Variants in MAP2 observed in about 807,000 individuals in gnomAD.
The protein encoded by MAP2 is microtubule associated protein 2.
Under a neutral mutation model 137.6 loss-of-function variants are expected in MAP2, and 14 were observed. The observed-to-expected ratio is 0.10, with a 90% CI of 0.07 to 0.16. The LOEUF (loss-of-function observed/expected upper bound fraction) is 0.16, where lower values mean the gene tolerates loss of function less well. Ranked by LOEUF, MAP2 falls within the 10% of genes least tolerant of loss-of-function variation. The pLI, the probability that MAP2 is intolerant of heterozygous loss-of-function variation, is 1.00. For synonymous variants in MAP2, 786 were observed against 782.3 expected, an observed-to-expected ratio of 1.00 and a Z score of -0.08; for missense variants, 2,088 against 2,191.5, an observed-to-expected ratio of 0.95 and a Z score of 0.94.
At chr2:209,513,875 C>T (rs997544118) in intron 2 of MAP2, among the ~76,000 whole-genome samples, 1 of 152,128 alleles carries the variant, frequency 6.6e-6, no homozygotes, top group African/African-American at 2.4e-5. Context: ...CCCACCTCTC[C>T]TCTTCTAAAT....
chr2:209,508,036 C>T (rs2150207654), intron 2 of MAP2, among the ~76,000 whole-genome samples: 1 of 152,144 alleles, frequency 6.6e-6, no homozygotes, highest in South Asian at 2.1e-4. Context: ...ATTATATACT[C>T]ATAGAGAATA....
chr2:209,658,512 T>A (rs1236991593), intron 5 of MAP2, among the ~76,000 whole-genome samples: 1 of 149,520 alleles, frequency 6.7e-6, no homozygotes, highest in African/African-American at 2.6e-5. Context: ...TTATTATTAC[T>A]ATTTTTTTTT....
intron 5 of MAP2, among the ~76,000 whole-genome samples, chr2:209,665,298 T>G (rs1170904823): frequency 6.6e-6 from 1 of 152,208 alleles, no homozygotes; most frequent in East Asian, 1.9e-4. Flanking sequence ...AAATGAACTT[T>G]CTAAAAGATA....
intron 1 of MAP2, among the ~76,000 whole-genome samples, chr2:209,436,059 G>A (rs1301921934): frequency 9.3e-6 from 1 of 107,230 alleles, no homozygotes; most frequent in African/African-American, 2.9e-5. Context: ...GGAAAATAAA[G>A]CAAAAGAACA....
At chr2:209,501,037 C>CAAAAA in intron 1 of MAP2, among the ~76,000 whole-genome samples, 1 of 115,348 alleles carries the variant, frequency 8.7e-6, no homozygotes, top group Non-Finnish European at 1.7e-5. Flanking sequence ...GACCCTGTCT[C>CAAAAA]AAAAAAAAAA....
chr2:209,435,641 A>G (rs1695739120), intron 1 of MAP2, among the ~76,000 whole-genome samples: 3 of 151,708 alleles, frequency 2.0e-5, no homozygotes. Flanking sequence ...TGATATATTC[A>G]GATTAGCAAG....
intron 3 of MAP2, among the ~76,000 whole-genome samples, chr2:209,600,890 T>C (rs1394197548): frequency 1.3e-5 from 2 of 152,178 alleles, no homozygotes; most frequent in African/African-American, 2.4e-5. Context: ...GCCTTTCCTG[T>C]AGGTTAAGCT....
Position 209,732,064 on chromosome 2 carries a change from T to C in MAP2, c.*1667T>C, listed in dbSNP as rs1336987615. 1.3e-5 allele frequency: 2 copies of C among 152,232 alleles called. No homozygotes were observed. The highest frequency in any genetic ancestry group is 2.9e-5 in the Non-Finnish European group (2 of 68,050). The allele number at this position is 152,232 out of a possible 1,614,324, so 9.4% of individuals were successfully genotyped here. A position where few individuals can be genotyped will look rare whatever the true frequency, so the allele number is the denominator to read the frequency against. ...GAGCTACCAGGCTAGATGGACACTT[T>C]TTAAAAATTTTATCTGTTCTTTTTC... On this transcript the variant is annotated 3_prime_UTR_variant, in exon 16 of 16. Coordinates refer to ENST00000682079, the MANE Select transcript of MAP2 (RefSeq NM_001375505.1).
chr2:209,431,170 C>T (rs1015684659), intron 1 of MAP2, among the ~76,000 whole-genome samples: 5 of 151,874 alleles, frequency 3.3e-5, no homozygotes, highest in South Asian at 4.2e-4. Context: ...TTAGTCGCTT[C>T]CCAAATGGTA....
At chr2:209,642,648 A>G (rs2094128655) in intron 4 of MAP2, among the ~76,000 whole-genome samples, 1 of 152,154 alleles carries the variant, frequency 6.6e-6, no homozygotes, top group Non-Finnish European at 1.5e-5. Flanking sequence ...ATGGTATGTG[A>G]TGAAGAATGA....
intron 2 of MAP2, among the ~76,000 whole-genome samples, chr2:209,563,521 G>C (rs2072675092): frequency 6.6e-6 from 1 of 152,106 alleles, no homozygotes; most frequent in Admixed American, 6.6e-5. Flanking sequence ...TCAAGATTAA[G>C]GACACCTGCA....
rs527788883 is a variant in MAP2 at position 209,531,319 on chromosome 2, A to G, written c.-172+23678A>G. Among the ~76,000 whole-genome samples the G allele has an allele frequency of 4.6e-5, 7 of 152,036 alleles. No homozygotes were observed. The South Asian group carries it at 1.5e-3, about 32-fold the overall frequency. On this transcript the variant is annotated intron_variant, in intron 2 of 15. Transcript: ENST00000682079. Reference sequence around the variant, plus strand: ...CTGTATTCCATGTCGTCAAATATCTACTCTTTATCATGCAGAAATTTTTCC... The same window carrying G: ...CTGTATTCCATGTCGTCAAATATCTGCTCTTTATCATGCAGAAATTTTTCC...
chr2:209,730,332 G>A lies in MAP2; in HGVS notation c.5419G>A (p.Glu1807Lys). Residue 1807 changes from glutamate to lysine, a missense_variant, in exon 16 of 16, where the codon GAA becomes AAA. Physicochemically the swap from Glu to Lys is moderately conservative, Grantham distance 56 (BLOSUM62 1). Transcript: ENST00000682079. ...VSSSGSINLL[E>K]SPQLATLAED... is the part of the protein sequence containing the mutation. ...CTCGTCTGGAAGCATCAACCTGCTC[G>A]AATCTCCTCAGCTTGCCACTTTGGC... is the stretch of plus-strand genomic sequence containing the variant. 3 of 1,614,096 alleles carry A rather than the reference G, an allele frequency of 1.9e-6. No homozygotes were observed. The highest frequency in any genetic ancestry group is 2.5e-6 in the Non-Finnish European group (3 of 1,180,008).
intron 1 of MAP2, among the ~76,000 whole-genome samples, chr2:209,496,406 G>A (rs1023292396): frequency 2.6e-5 from 4 of 152,138 alleles, no homozygotes; most frequent in African/African-American, 9.7e-5. Context: ...AATATGAGCT[G>A]TCTAGACAAC....
At chr2:209,538,740 A>G (rs1204663127) in intron 2 of MAP2, among the ~76,000 whole-genome samples, 1 of 152,142 alleles carries the variant, frequency 6.6e-6, no homozygotes, top group Non-Finnish European at 1.5e-5. Flanking sequence ...GAGATGCTGA[A>G]AAAAACAAGC....
At chr2:209,618,724 G>A (rs543725678) in intron 3 of MAP2, among the ~76,000 whole-genome samples, 9 of 152,138 alleles carry the variant, frequency 5.9e-5, no homozygotes, top group African/African-American at 1.9e-4. Flanking sequence ...ACAGTTTGGT[G>A]GTTCTTCAAA....
intron 7 of MAP2, chr2:209,690,951 G>A: frequency 9.2e-7 from 1 of 1,086,784 alleles, no homozygotes; most frequent in South Asian, 1.6e-5. Context: ...TTCATCGCTG[G>A]GTCTTATGAT....
intron 14 of MAP2, 46 bp downstream of exon 14, chr2:209,725,836 C>A (rs1488942909): frequency 1.5e-6 from 2 of 1,342,984 alleles, no homozygotes; most frequent in Non-Finnish European, 2.0e-6. Context: ...TAACTGGAAT[C>A]AAGAAAGGGA....
At chr2:209,435,226 A>G (rs1378632265) in intron 1 of MAP2, among the ~76,000 whole-genome samples, 1 of 151,552 alleles carries the variant, frequency 6.6e-6, no homozygotes, top group Non-Finnish European at 1.5e-5. Context: ...GATATAAGAC[A>G]TAAAACTAGT....
Sources: gnomAD v4.1 joint callset for allele counts (sites outside exome capture counted in the v4.1 genomes callset) on GRCh38, gnomAD v4.1.1 for gene constraint, MANE v1.5 for transcripts, NCBI Gene and HGNC (gene_info 2026-07-23, HGNC 2026-07-21) for gene names.